AGBL4: variants seen among roughly 807,000 people sequenced by gnomAD.
AGBL4 encodes cytosolic carboxypeptidase 6.
In AGBL4, 58 loss-of-function variants were observed where a neutral mutation model predicts 66.4. That is an observed-to-expected ratio of 0.87 (90% CI 0.71 to 1.09). AGBL4 has a LOEUF of 1.09. Among genes scored for constraint, AGBL4 ranks in the 50% least tolerant of loss-of-function variants. The pLI is 0.00. For missense variants in AGBL4, 579 were observed against 631.0 expected, an observed-to-expected ratio of 0.92 and a Z score of 0.88; for synonymous variants, 234 against 222.9, an observed-to-expected ratio of 1.05 and a Z score of -0.44.
intron 4 of AGBL4, among the ~76,000 whole-genome samples, chr1:49,202,862 A>G (rs1430285292): frequency 6.6e-6 from 1 of 152,068 alleles, no homozygotes; most frequent in Non-Finnish European, 1.5e-5. Flanking sequence ...CAAAATATCA[A>G]TGAGGGGTTA....
chr1:49,741,067 G>C (rs1650408000), intron 2 of AGBL4, among the ~76,000 whole-genome samples: 1 of 137,736 alleles, frequency 7.3e-6, no homozygotes, highest in Admixed American at 7.7e-5. Flanking sequence ...AACTGAAGTA[G>C]ATAGAGACAT....
intron 2 of AGBL4, among the ~76,000 whole-genome samples, chr1:49,728,602 G>T (rs1264478079): frequency 6.6e-6 from 1 of 152,082 alleles, no homozygotes; most frequent in Admixed American, 6.6e-5. Flanking sequence ...TCAGAAATGC[G>T]ATGACACACT....
chr1:48,781,324 C>T (rs529421099), intron 6 of AGBL4, among the ~76,000 whole-genome samples: 84 of 152,326 alleles, frequency 5.5e-4, no homozygotes, highest in African/African-American at 1.9e-3. Flanking sequence ...ACCAGAAAGA[C>T]GTCAGTTCCT....
chr1:49,859,914 G>T (rs888338909), intron 1 of AGBL4, among the ~76,000 whole-genome samples: 2 of 151,966 alleles, frequency 1.3e-5, no homozygotes, highest in Non-Finnish European at 2.9e-5. Flanking sequence ...GTCAATAGAA[G>T]AAATCAATCA....
At chr1:49,686,314 G>A (rs1461482442) in intron 3 of AGBL4, among the ~76,000 whole-genome samples, 1 of 152,108 alleles carries the variant, frequency 6.6e-6, no homozygotes, top group African/African-American at 2.4e-5. Flanking sequence ...CAGTGGATGG[G>A]GAACACCTCG....
At chr1:49,438,535 A>G (rs1645955372) in intron 3 of AGBL4, among the ~76,000 whole-genome samples, 1 of 152,168 alleles carries the variant, frequency 6.6e-6, no homozygotes, top group Non-Finnish European at 1.5e-5. Context: ...ATAAATAGAG[A>G]ACAACAGAAA....
chr1:49,815,181 C>A (rs1427245102), intron 2 of AGBL4, among the ~76,000 whole-genome samples: 1 of 152,176 alleles, frequency 6.6e-6, no homozygotes, highest in Non-Finnish European at 1.5e-5. Flanking sequence ...CACTACCCTT[C>A]CCTGCCTCAG....
intron 6 of AGBL4, among the ~76,000 whole-genome samples, chr1:48,845,713 G>C (rs1646894135): frequency 6.6e-6 from 1 of 152,192 alleles, no homozygotes; most frequent in Non-Finnish European, 1.5e-5. Context: ...TATGCCAGTA[G>C]AGTATAGCAG....
At chr1:49,367,546 T>A (rs1644262876) in intron 3 of AGBL4, among the ~76,000 whole-genome samples, 1 of 152,176 alleles carries the variant, frequency 6.6e-6, no homozygotes, top group South Asian at 2.1e-4. Context: ...CAGGTATCCC[T>A]TTATAGTAAC....
At chr1:49,787,649 T>C (rs1644492598) in intron 2 of AGBL4, among the ~76,000 whole-genome samples, 1 of 152,108 alleles carries the variant, frequency 6.6e-6, no homozygotes. Context: ...TCAGAATAAG[T>C]TATGCTCAAT....
At chr1:48,719,821 T>C (rs558278211) in intron 6 of AGBL4, among the ~76,000 whole-genome samples, 1 of 152,280 alleles carries the variant, frequency 6.6e-6, no homozygotes, top group Admixed American at 6.5e-5. Context: ...CCAAACCAAA[T>C]AAGTAACTTG....
intron 5 of AGBL4, among the ~76,000 whole-genome samples, chr1:49,032,345 C>T (rs1313233726): frequency 6.6e-6 from 1 of 152,152 alleles, no homozygotes; most frequent in Non-Finnish European, 1.5e-5. Context: ...ATGGATCAAA[C>T]TCCTCCATGA....
chr1:49,378,463 C>T (rs182693548), intron 3 of AGBL4, among the ~76,000 whole-genome samples: 6 of 151,798 alleles, frequency 4.0e-5, no homozygotes, highest in Admixed American at 6.6e-5. Flanking sequence ...GAATAGTATC[C>T]GAGGAGAGAG....
chr1:49,165,387 A>G (rs191331224), intron 4 of AGBL4, among the ~76,000 whole-genome samples: 1 of 152,290 alleles, frequency 6.6e-6, no homozygotes, highest in African/African-American at 2.4e-5. Flanking sequence ...TTACATTATC[A>G]CCAGAGATAC....
chr1:49,591,199 A>T (rs532975243), intron 3 of AGBL4, among the ~76,000 whole-genome samples: 1 of 152,204 alleles, frequency 6.6e-6, no homozygotes, highest in Non-Finnish European at 1.5e-5. Context: ...AAATAAATTA[A>T]ATACAGAAAA....
chr1:49,225,109 T>G (rs1251102720), intron 4 of AGBL4, among the ~76,000 whole-genome samples: 5 of 152,220 alleles, frequency 3.3e-5, no homozygotes, highest in Non-Finnish European at 7.3e-5. Context: ...TTGACTCCTT[T>G]CATTCACTAG....
At position 48,574,005 on chromosome 1, in the gene AGBL4, C is replaced by T. The variant is rs535198023; in HGVS notation, c.1267+12999G>A. Reference sequence around the variant, plus strand: ...TCACACAACTGGTAAATAGCAGAACCGAGATTTGAACCCAGGTCAGCCTGG... The same window carrying T: ...TCACACAACTGGTAAATAGCAGAACTGAGATTTGAACCCAGGTCAGCCTGG... On this transcript the variant is annotated intron_variant, in intron 11 of 13. Transcript: ENST00000371839. Among the ~76,000 whole-genome samples the T allele has an allele frequency of 4.1e-3, 618 of 152,276 alleles. 3 individuals carry two copies. Among genetic ancestry groups the T allele is most frequent in the Non-Finnish European group, 6.5e-3 (442 of 68,018 alleles).
At chr1:48,961,080 G>GGTGTGTGTGT (rs140660896) in intron 5 of AGBL4, among the ~76,000 whole-genome samples, 1,889 of 148,694 alleles carry the variant, frequency 0.013, 38 homozygotes, top group African/African-American at 0.044. Flanking sequence ...CCCAGTCTGG[G>GGTGTGTGTGT]GTGTGTGTGT....
intron 4 of AGBL4, among the ~76,000 whole-genome samples, chr1:49,087,908 G>A (rs183775166): frequency 6.6e-6 from 1 of 152,252 alleles, no homozygotes. Flanking sequence ...AACCATACAA[G>A]CCAGAAGAGA....
Sources: allele counts gnomAD v4.1 joint callset (sites outside exome capture counted in the v4.1 genomes callset), GRCh38; gene constraint gnomAD v4.1.1; transcripts MANE v1.5; gene names NCBI Gene and HGNC (gene_info 2026-07-23, HGNC 2026-07-21).